PAK1: variants seen among roughly 807,000 people sequenced by gnomAD.
PAK1 encodes p21 (RAC1) activated kinase 1, also known as serine/threonine-protein kinase PAK 1.
In PAK1, 29 loss-of-function variants were observed where a neutral mutation model predicts 67.4. The observed-to-expected ratio is 0.43, with a 90% confidence interval of 0.32 to 0.59. PAK1 has a LOEUF of 0.59. Ranked by LOEUF, PAK1 falls within the 20% of genes least tolerant of loss-of-function variation. The pLI is 0.07. For synonymous variants in PAK1, 223 were observed against 237.4 expected (o/e 0.94, Z 0.56); for missense variants, 337 against 670.7 (o/e 0.50, Z 5.50).
intron 1 of PAK1, among the ~76,000 whole-genome samples, chr11:77,454,927 T>G (rs1957018577): frequency 6.6e-6 from 1 of 152,192 alleles, no homozygotes; most frequent in African/African-American, 2.4e-5. Context: ...TGGTTCAATT[T>G]CACTGAGGAG....
At chr11:77,432,032 T>C (rs1251973357) in intron 1 of PAK1, among the ~76,000 whole-genome samples, 1 of 152,204 alleles carries the variant, frequency 6.6e-6, no homozygotes, top group African/African-American at 2.4e-5. Context: ...TTAACGTGAA[T>C]AACCCCATCT....
At chr11:77,526,710 G>A in the PAK1 span, among the ~76,000 whole-genome samples, 1 of 152,192 alleles carries the variant, frequency 6.6e-6, no homozygotes, top group Non-Finnish European at 1.5e-5. Context: ...GAGGTCAGGA[G>A]TTCAAGACCA....
At chr11:77,340,508 C>A in intron 11 of PAK1, 138 bp downstream of exon 11, 1 of 675,410 alleles carries the variant, frequency 1.5e-6, no homozygotes, top group Non-Finnish European at 2.7e-6. Flanking sequence ...AGGTACAATA[C>A]AGGAATGATA....
chr11:77,435,407 C>T (rs1223512255), intron 1 of PAK1, among the ~76,000 whole-genome samples: 1 of 152,120 alleles, frequency 6.6e-6, no homozygotes, highest in Non-Finnish European at 1.5e-5. Context: ...GTAATCCCTG[C>T]CTTCGCAAGG....
chr11:77,386,217 T>A (rs1440039994), intron 2 of PAK1, among the ~76,000 whole-genome samples: 1 of 152,194 alleles, frequency 6.6e-6, no homozygotes, highest in Non-Finnish European at 1.5e-5. Context: ...CACTGGCCTT[T>A]TTTAAAAAAA....
chr11:77,507,321 T>C, the PAK1 span, among the ~76,000 whole-genome samples: 12 of 152,268 alleles, frequency 7.9e-5, no homozygotes, highest in South Asian at 2.1e-4. Context: ...GATTCTCTCC[T>C]TCACGGGGTC....
At chr11:77,348,987 T>C (rs551719939) in intron 9 of PAK1, among the ~76,000 whole-genome samples, 1 of 152,070 alleles carries the variant, frequency 6.6e-6, no homozygotes, top group East Asian at 1.9e-4. Flanking sequence ...TAGCCAGGCA[T>C]GGTGGCAGGT....
At chr11:77,342,616 C>A (rs148401634) in intron 10 of PAK1, among the ~76,000 whole-genome samples, 23 of 152,214 alleles carry the variant, frequency 1.5e-4, no homozygotes, top group African/African-American at 5.5e-4. Flanking sequence ...CAGTCAGGAC[C>A]CACATTAAGG....
intron 4 of PAK1, 131 bp from the exon 5 acceptor site, chr11:77,374,496 A>T: frequency 1.5e-6 from 1 of 659,568 alleles, no homozygotes; most frequent in Admixed American, 2.5e-5. Context: ...CTGGTACTAC[A>T]GGCTAGATAT....
chr11:77,358,537 T>C (rs1946349188), intron 6 of PAK1, among the ~76,000 whole-genome samples: 1 of 152,190 alleles, frequency 6.6e-6, no homozygotes, highest in Non-Finnish European at 1.5e-5. Context: ...AAAAGATCTG[T>C]AGCAAGACAA....
At chr11:77,462,768 G>A (rs1196038802) in intron 1 of PAK1, among the ~76,000 whole-genome samples, 1 of 149,780 alleles carries the variant, frequency 6.7e-6, no homozygotes, top group Non-Finnish European at 1.5e-5. Context: ...GAAGGAAGAG[G>A]TTGCAGTGAG....
At position 77,362,958 on chromosome 11, in the gene PAK1, GT is replaced by G. The variant is rs1188599619; in HGVS notation, c.478-3942del. Among the ~76,000 whole-genome samples, 3 of 151,998 alleles carry G rather than the reference GT, an allele frequency of 2.0e-5. No individual in the cohort carries two copies. In the East Asian group the frequency reaches 5.8e-4, roughly 29 times the overall value. ...ACAGTAAAAATTAGTGGGTCTGATG[GT>G]TTTTTTCATATCCTATAAAAGCTTG... On this transcript the variant is annotated intron_variant, in intron 5 of 14. Coordinates refer to ENST00000356341, the MANE Select transcript of PAK1 (RefSeq NM_002576.5).
the PAK1 span, among the ~76,000 whole-genome samples, chr11:77,518,498 A>C: frequency 6.6e-6 from 1 of 152,242 alleles, no homozygotes; most frequent in Non-Finnish European, 1.5e-5. Context: ...CCAGTGAATC[A>C]GCAAAGAGAG....
intron 2 of PAK1, among the ~76,000 whole-genome samples, chr11:77,386,423 G>T (rs1374016555): frequency 6.6e-6 from 1 of 152,180 alleles, no homozygotes; most frequent in Non-Finnish European, 1.5e-5. Flanking sequence ...ACTAAATGCT[G>T]AAAGACTTCT....
At chr11:77,344,909 A>C (rs1255037500) in intron 9 of PAK1, among the ~76,000 whole-genome samples, 1 of 152,164 alleles carries the variant, frequency 6.6e-6, no homozygotes, top group Non-Finnish European at 1.5e-5. Context: ...ATTCCTTCAC[A>C]GAGGAGAGTG....
the PAK1 span, among the ~76,000 whole-genome samples, chr11:77,522,125 T>C: frequency 6.6e-6 from 1 of 152,206 alleles, no homozygotes; most frequent in East Asian, 1.9e-4. Context: ...ACATAGACCT[T>C]TTAGATTGGC....
At chr11:77,368,451 A>C (rs1947914124) in intron 5 of PAK1, among the ~76,000 whole-genome samples, 1 of 152,190 alleles carries the variant, frequency 6.6e-6, no homozygotes, top group African/African-American at 2.4e-5. Flanking sequence ...CTTTCCATTT[A>C]CTTTCTTAAA....
intron 9 of PAK1, among the ~76,000 whole-genome samples, chr11:77,347,739 C>T (rs573433586): frequency 1.3e-5 from 2 of 152,178 alleles, no homozygotes; most frequent in East Asian, 3.9e-4. Context: ...AAAGCAAATG[C>T]TTTGTGGAAT....
At chr11:77,419,523 T>C (rs2844328) in intron 1 of PAK1, among the ~76,000 whole-genome samples, 43,758 of 152,056 alleles carry the variant, frequency 0.29, 6,593 homozygotes, top group South Asian at 0.45. Flanking sequence ...TAAAAGCAAA[T>C]GATCAATAAT....
Sources: allele counts gnomAD v4.1 joint callset (sites outside exome capture counted in the v4.1 genomes callset), GRCh38; gene constraint gnomAD v4.1.1; transcripts MANE v1.5; gene names NCBI Gene and HGNC (gene_info 2026-07-23, HGNC 2026-07-21).